ANKRD27: variants seen among roughly 807,000 people sequenced by gnomAD.
ANKRD27 encodes the protein ankyrin repeat domain 27, also known as ankyrin repeat domain-containing protein 27.
In ANKRD27, 112 loss-of-function variants were observed where a neutral mutation model predicts 129.7. The observed-to-expected ratio is 0.86, with a 90% CI of 0.74 to 1.01. ANKRD27 has a LOEUF of 1.01. Ranked by LOEUF, ANKRD27 falls within the 50% of genes least tolerant of loss-of-function variation. ANKRD27 has a pLI of 0.00. For missense variants in ANKRD27, 1,258 were observed against 1,300.5 expected, an observed-to-expected ratio of 0.97 and a Z score of 0.50; for synonymous variants, 516 against 511.2, an observed-to-expected ratio of 1.01 and a Z score of -0.13.
chr19:32,626,021 C>G, intron 16 of ANKRD27, 55 bp from the exon 17 acceptor site: 1 of 1,453,922 alleles, frequency 6.9e-7, no homozygotes, highest in Non-Finnish European at 9.2e-7. Context: ...CTGGGAGGCC[C>G]GGCCTCCAGT....
At position 32,646,622 on chromosome 19, in the gene ANKRD27, A is replaced by T. The variant is rs557674869; in HGVS notation, c.214-7T>A. 4 of 1,611,202 alleles carry T rather than the reference A, an allele frequency of 2.5e-6. No individual in the cohort carries two copies. The Admixed American group carries it at 6.8e-5, about 27-fold the overall frequency. On this transcript the variant is annotated splice_polypyrimidine_tract_variant and splice_region_variant and intron_variant, in intron 3 of 28. Coordinates refer to ENST00000306065, the MANE Select transcript of ANKRD27 (RefSeq NM_032139.3). ...TCCCTTGAATAAAGACATCCTGGAA[A>T]CAAGAAAGCCATCACTGCACCAGCA...
At chr19:32,632,735 G>A (rs1019050811) in intron 12 of ANKRD27, among the ~76,000 whole-genome samples, 3 of 152,136 alleles carry the variant, frequency 2.0e-5, no homozygotes, top group Admixed American at 2.0e-4. Flanking sequence ...GTCTTGGTGG[G>A]AAGTCAAGGG....
intron 2 of ANKRD27, among the ~76,000 whole-genome samples, chr19:32,653,514 AG>A (rs1273579986): frequency 2.6e-5 from 4 of 152,116 alleles, no homozygotes; most frequent in Non-Finnish European, 5.9e-5. Context: ...GTGTGTAATT[AG>A]CCGGATAGTT....
intron 10 of ANKRD27, among the ~76,000 whole-genome samples, chr19:32,641,262 C>T (rs1967195567): frequency 6.6e-6 from 1 of 151,810 alleles, no homozygotes; most frequent in Admixed American, 6.6e-5. Context: ...GCCTTGCCAC[C>T]CCCTTGGACG....
intron 22 of ANKRD27, among the ~76,000 whole-genome samples, chr19:32,613,341 T>A (rs1971861351): frequency 2.6e-5 from 4 of 152,158 alleles, no homozygotes; most frequent in African/African-American, 9.7e-5. Context: ...TGTAAAATGA[T>A]ACAGCCTGCT....
intron 22 of ANKRD27, among the ~76,000 whole-genome samples, chr19:32,614,898 T>C (rs1415937462): frequency 2.0e-5 from 3 of 152,146 alleles, no homozygotes; most frequent in African/African-American, 7.2e-5. Flanking sequence ...TGTGATTCTG[T>C]ACCACAGTTT....
intron 18 of ANKRD27, among the ~76,000 whole-genome samples, chr19:32,620,440 C>T (rs969276474): frequency 1.3e-5 from 2 of 150,886 alleles, no homozygotes; most frequent in African/African-American, 4.9e-5. Context: ...TGGTGACACA[C>T]ACCTATACCT....
Position 32,643,529 on chromosome 19 carries a change from G to C in ANKRD27, c.585+43C>G, listed in dbSNP as rs1453883779. ...CAGTGAAAGGGCTTGGATTTGCATG[G>C]GGGTGCACCACAATTCTCCCTCTCA... On this transcript the variant is annotated intron_variant, in intron 6 of 28. Coordinates refer to ENST00000306065, the MANE Select transcript of ANKRD27 (RefSeq NM_032139.3). The C allele has an allele frequency of 1.9e-6, 3 of 1,613,710 alleles. No individual in the cohort carries two copies. In the African/African-American group the frequency reaches 4.0e-5, roughly 22 times the overall value.
intron 12 of ANKRD27, among the ~76,000 whole-genome samples, chr19:32,636,997 C>A (rs1223950811): frequency 2.0e-5 from 3 of 152,192 alleles, no homozygotes; most frequent in Non-Finnish European, 2.9e-5. Context: ...ATCCACCTGC[C>A]TTGGCTTCCC....
rs79731708 is a variant in ANKRD27 at position 32,631,782 on chromosome 19, G to A, written c.1117-288C>T. Among the ~76,000 whole-genome samples the A allele has an allele frequency of 0.014, 2,116 of 152,226 alleles. 114 individuals carry two copies. In the East Asian group the frequency reaches 0.16, roughly 12 times the overall value. On this transcript the variant is annotated intron_variant, in intron 12 of 28. Transcript: ENST00000306065. ...TGCCATCTCCAGCGTGGAATGCGGC[G>A]CACACACACCATTGTCCTCCAGATG...
intron 11 of ANKRD27, among the ~76,000 whole-genome samples, chr19:32,639,781 C>G (rs1424264079): frequency 3.3e-5 from 5 of 152,180 alleles, no homozygotes; most frequent in African/African-American, 1.2e-4. Context: ...AATCAGCTTT[C>G]TGCTCAACCA....
chr19:32,659,135 T>C (rs1568419196), intron 1 of ANKRD27, 90 bp from the exon 2 acceptor site: 1 of 388,174 alleles, frequency 2.6e-6, no homozygotes, highest in East Asian at 3.8e-5. Flanking sequence ...GGCATTTTCT[T>C]TTTCTTTTTT....
At chr19:32,603,879 A>G (rs1047501567) in intron 25 of ANKRD27, among the ~76,000 whole-genome samples, 4 of 152,136 alleles carry the variant, frequency 2.6e-5, no homozygotes, top group Non-Finnish European at 4.4e-5. Flanking sequence ...AACCTTCTCC[A>G]TCGTGCTGCT....
At chr19:32,639,514 G>C in intron 11 of ANKRD27, 26 bp from the exon 12 acceptor site, 1 of 1,606,590 alleles carries the variant, frequency 6.2e-7, no homozygotes, top group Non-Finnish European at 8.5e-7. Context: ...AAAAAGTTAT[G>C]TTGTTGTCTA....
intron 1 of ANKRD27, among the ~76,000 whole-genome samples, chr19:32,663,531 T>C (rs1967686119): frequency 6.6e-6 from 1 of 152,230 alleles, no homozygotes; most frequent in Admixed American, 6.5e-5. Context: ...TCTAATTATA[T>C]TTCTCCATAT....
At chr19:32,671,803 C>A (rs1967875337) in intron 1 of ANKRD27, among the ~76,000 whole-genome samples, 2 of 152,228 alleles carry the variant, frequency 1.3e-5, no homozygotes, top group South Asian at 2.1e-4. Flanking sequence ...TATAAAACTT[C>A]TTTTAAAAAA....
rs765904521 is a variant in ANKRD27, at chr19:32,599,775, C to G, written c.2848G>C (p.Gly950Arg). 2 of 1,612,552 alleles carry G rather than the reference C, an allele frequency of 1.2e-6. No homozygotes were observed. Among genetic ancestry groups the G allele is most frequent in the Admixed American group, 3.4e-5 (2 of 59,608 alleles). The change falls in exon 28 of 29, where the codon GGA (glycine) becomes CGA (arginine). Residue 950 changes from glycine to arginine, a missense_variant and splice_region_variant. Gly to Arg is a moderately radical substitution (Grantham distance 125). Transcript: ENST00000306065. ...YFVHSAGQFK[G>R]KTSREIMARD... ...GCCATAATCTCCCTTGAAGTCTTTC[C>G]CCTAAAACCCAAAATAAACGAAAAT... is the stretch of plus-strand genomic sequence containing the variant.
Position 32,599,628 on chromosome 19 carries a change from C to T in ANKRD27, c.2919+76G>A, listed in dbSNP as rs569294804. The T allele has an allele frequency of 5.1e-4, 667 of 1,295,442 alleles. 4 individuals carry two copies. The South Asian group carries it at 7.6e-3, about 15-fold the overall frequency. 80.2% of individuals were successfully genotyped at this position (1,295,442 alleles called of 1,614,324 possible). On this transcript the variant is annotated intron_variant, in intron 28 of 28. Coordinates refer to ENST00000306065, the MANE Select transcript of ANKRD27 (RefSeq NM_032139.3). ...ATAATGAAGATGACGATCAAGGAGACGTGTTTACCATGGATTACTTTTGAC... is the reference window on the plus strand; with the variant it reads ...ATAATGAAGATGACGATCAAGGAGATGTGTTTACCATGGATTACTTTTGAC...
intron 28 of ANKRD27, 46 bp downstream of exon 28, chr19:32,599,658 C>A (rs755559252): frequency 2.0e-5 from 31 of 1,557,138 alleles, no homozygotes; most frequent in South Asian, 3.4e-5. Context: ...TTTGACAAAG[C>A]CGGGCTTTAG....
Sources: gnomAD v4.1 joint callset for allele counts (sites outside exome capture counted in the v4.1 genomes callset) on GRCh38, gnomAD v4.1.1 for gene constraint, MANE v1.5 for transcripts, NCBI Gene and HGNC (gene_info 2026-07-23, HGNC 2026-07-21) for gene names.